SPAM1: variants seen among roughly 807,000 people sequenced by gnomAD.
SPAM1 encodes the protein hyaluronidase PH-20.
A neutral mutation model predicts 29.6 loss-of-function variants in SPAM1; 22 were observed. That is an observed-to-expected ratio of 0.74 (90% CI 0.53 to 1.06). The LOEUF is 1.06. Ranked by LOEUF, SPAM1 falls within the 50% of genes least tolerant of loss-of-function variation. The probability of loss-of-function intolerance (pLI) is 0.00; values close to 1 mark genes in which losing one functional copy is unlikely to be tolerated. For missense variants in SPAM1, 534 were observed against 604.0 expected, an observed-to-expected ratio of 0.88 and a Z score of 1.21; for synonymous variants, 194 against 204.6, an observed-to-expected ratio of 0.95 and a Z score of 0.44.
intron 5 of SPAM1, chr7:123,970,066 A>G (rs1181033845): frequency 1.2e-6 from 1 of 808,528 alleles, no homozygotes; most frequent in South Asian, 2.6e-5. Context: ...GTCCGGGTTC[A>G]CTTTCTTTAC....
chr7:123,933,331 T>C (rs1400871849), intron 1 of SPAM1, among the ~76,000 whole-genome samples: 1 of 152,184 alleles, frequency 6.6e-6, no homozygotes, highest in African/African-American at 2.4e-5. Flanking sequence ...TTTTGTTTTC[T>C]GTTCCTGTGT....
rs1035151771 is a variant in SPAM1 at position 123,954,497 on chromosome 7, T to A, written c.927T>A (p.Thr309=). The A allele has an allele frequency of 5.6e-6, 9 of 1,595,826 alleles. No homozygotes were observed. In the African/African-American group the frequency reaches 1.2e-4, roughly 21 times the overall value. ...PVFAYTRIVF[T]DQVLKFLSQD... ...TTGCATATACCCGCATAGTTTTTAC[T>A]GATCAAGTTTTGAAATTCCTTTCTC... The change falls in exon 3 of 5, where the codon ACT becomes ACA. Residue 309 remains threonine (T), a synonymous_variant. Transcript: ENST00000682466.
chr7:123,928,567 G>T lies in SPAM1; in HGVS notation c.-319+3215G>T, dbSNP rs190734680. Among the ~76,000 whole-genome samples, 115 of 152,230 alleles carry T rather than the reference G, an allele frequency of 7.6e-4. 1 individual carries two copies. The Middle Eastern group carries it at 0.01, about 14-fold the overall frequency. On this transcript the variant is annotated intron_variant, in intron 1 of 4. Coordinates refer to ENST00000682466, the MANE Select transcript of SPAM1 (RefSeq NM_153189.3). The stretch of plus-strand genomic sequence containing the variant: ...TGTAGGCGACGAAACAGGCTTCCCT[G>T]GAATTCCAACAGCTGAATAGAATTA...
chr7:123,953,972 T>C lies in SPAM1; in HGVS notation c.402T>C (p.Tyr134=). 4 of 1,613,764 alleles carry C rather than the reference T, an allele frequency of 2.5e-6. No homozygotes were observed. The highest frequency in any genetic ancestry group is 1.1e-5 in the South Asian group (1 of 91,068). Residue 134 remains tyrosine (Y), a synonymous_variant, in exon 3 of 5, where the codon TAT becomes TAC. Transcript: ENST00000682466. ...LDKAKKDITF[Y]MPVDNLGMAV... is the part of the protein sequence containing the mutation. ...AAGCTAAGAAAGACATTACATTTTA[T>C]ATGCCAGTAGACAATTTGGGAATGG...
chr7:123,970,142 C>A lies in SPAM1; in HGVS notation c.1486-56C>A. 3 of 1,535,292 alleles carry A rather than the reference C, an allele frequency of 2.0e-6. No individual in the cohort carries two copies. In the South Asian group the frequency reaches 3.6e-5, roughly 19 times the overall value. On this transcript the variant is annotated intron_variant, in intron 5 of 6. Transcript: ENST00000340011. ...TTGCTAGTGATGCTATAACAAAGTG[C>A]CACAGACTAGGTGGCTTAAACAACA...
At chr7:123,968,775 G>C (rs1156769123) in intron 5 of SPAM1, among the ~76,000 whole-genome samples, 1 of 151,992 alleles carries the variant, frequency 6.6e-6, no homozygotes, top group Non-Finnish European at 1.5e-5. Flanking sequence ...GTGTAAGCTT[G>C]AGCAGGTTAC....
chr7:123,930,098 G>A (rs1355745999), intron 1 of SPAM1, among the ~76,000 whole-genome samples: 2 of 151,968 alleles, frequency 1.3e-5, no homozygotes, highest in African/African-American at 4.8e-5. Flanking sequence ...TTTAACTTTT[G>A]TTATAAGTCT....
chr7:123,947,573 A>C, intron 1 of SPAM1: 1 of 100,016 alleles, frequency 1.0e-5, no homozygotes, highest in East Asian at 2.6e-4. Flanking sequence ...GCTGAGATTA[A>C]AACACCACAC....
At chr7:123,927,890 C>T (rs1180791811) in intron 1 of SPAM1, among the ~76,000 whole-genome samples, 1 of 151,992 alleles carries the variant, frequency 6.6e-6, no homozygotes, top group East Asian at 1.9e-4. Flanking sequence ...TTTTGAGTCC[C>T]AGAGTAATGG....
At chr7:123,926,185 G>A (rs541710051) in intron 1 of SPAM1, 2 of 152,172 alleles carry the variant, frequency 1.3e-5, no homozygotes, top group Admixed American at 6.5e-5. Context: ...CAGATTTACT[G>A]AGCACTGGAT....
chr7:123,940,435 A>C (rs2117037028), intron 1 of SPAM1, among the ~76,000 whole-genome samples: 1 of 152,088 alleles, frequency 6.6e-6, no homozygotes, highest in South Asian at 2.1e-4. Flanking sequence ...GAATAAGATG[A>C]ATTATTTTCT....
intron 5 of SPAM1, among the ~76,000 whole-genome samples, chr7:123,969,464 A>G (rs1455011741): frequency 2.0e-5 from 3 of 151,974 alleles, no homozygotes; most frequent in African/African-American, 7.2e-5. Flanking sequence ...TGATTTTTGT[A>G]TATGTTGAGA....
chr7:123,970,274 AG>A (rs757005754), exon 6 of SPAM1: 3 of 1,546,994 alleles, frequency 1.9e-6, no homozygotes, highest in Non-Finnish European at 2.6e-6. Context: ...AATGTGTTTC[AG>A]GCCTCTTCCC....
chr7:123,948,764 G>T (rs190473511), intron 1 of SPAM1, among the ~76,000 whole-genome samples: 195 of 152,068 alleles, frequency 1.3e-3, no homozygotes, highest in Non-Finnish European at 7.2e-4. Context: ...ATGGTAAGAG[G>T]ATTGTATCTA....
intron 1 of SPAM1, among the ~76,000 whole-genome samples, chr7:123,933,609 A>C (rs1202251244): frequency 6.6e-6 from 1 of 152,212 alleles, no homozygotes; most frequent in African/African-American, 2.4e-5. Flanking sequence ...GATCCATTTG[A>C]GCACTGACTC....
Position 123,953,549 on chromosome 7 carries a change from T to G in SPAM1, c.-22T>G. On this transcript the variant is annotated 5_prime_UTR_variant, in exon 3 of 5. Transcript: ENST00000682466. ...AAGTGTGTAGGAAGAAATAAATGTT[T>G]TCATAGTCATTACTCTTTACAATGG... The G allele has an allele frequency of 6.8e-7, 1 of 1,479,956 alleles. No homozygotes were observed. The highest frequency in any genetic ancestry group is 2.3e-5 in the East Asian group (1 of 44,104). The allele number at this position is 1,479,956 out of a possible 1,614,324, so 91.7% of individuals were successfully genotyped here.
At chr7:123,948,794 T>C (rs1563027177) in intron 1 of SPAM1, among the ~76,000 whole-genome samples, 1 of 152,082 alleles carries the variant, frequency 6.6e-6, no homozygotes, top group Admixed American at 6.6e-5. Flanking sequence ...CTTAATTCCA[T>C]TGAGATAATA....
At chr7:123,966,560 C>G (rs1450458207) in intron 5 of SPAM1, among the ~76,000 whole-genome samples, 1 of 152,014 alleles carries the variant, frequency 6.6e-6, no homozygotes, top group Non-Finnish European at 1.5e-5. Flanking sequence ...AAATGTGGTA[C>G]ATATACACCA....
chr7:123,957,730 G>T (rs949981126), intron 4 of SPAM1, among the ~76,000 whole-genome samples: 3 of 151,996 alleles, frequency 2.0e-5, no homozygotes, highest in Admixed American at 2.0e-4. Context: ...TTCTCATTTG[G>T]GTTGTTGGCA....
Sources: gnomAD v4.1 joint callset for allele counts (sites outside exome capture counted in the v4.1 genomes callset) on GRCh38, gnomAD v4.1.1 for gene constraint, MANE v1.5 for transcripts, NCBI Gene and HGNC (gene_info 2026-07-23, HGNC 2026-07-21) for gene names.